Variants in FOXP2 observed in about 807,000 individuals in gnomAD.
FOXP2 encodes the protein forkhead box protein P2.
Under a neutral mutation model 115.8 loss-of-function variants are expected in FOXP2, and 12 were observed. The ratio of observed to expected loss-of-function variants is 0.10; its 90% CI spans 0.07 to 0.17. The LOEUF is 0.17. Among genes scored for constraint, FOXP2 ranks in the 10% least tolerant of loss-of-function variants. FOXP2 has a pLI of 1.00. For synonymous variants in FOXP2, 328 were observed against 297.7 expected, an observed-to-expected ratio of 1.10 and a Z score of -1.05; for missense variants, 629 against 843.5, an observed-to-expected ratio of 0.75 and a Z score of 3.15.
intron 7 of FOXP2, 106 bp downstream of exon 7, chr7:114,642,729 A>T: frequency 1.3e-6 from 1 of 759,704 alleles, no homozygotes; most frequent in Non-Finnish European, 2.2e-6. Flanking sequence ...GACAAAATGT[A>T]TAGAACAACA....
At chr7:114,137,981 G>T (rs966858328) in intron 1 of FOXP2, among the ~76,000 whole-genome samples, 1 of 152,160 alleles carries the variant, frequency 6.6e-6, no homozygotes, top group East Asian at 1.9e-4. Context: ...AATAGGGCTG[G>T]TTATAGGATT....
At chr7:114,118,050 T>C (rs972703407) in intron 1 of FOXP2, among the ~76,000 whole-genome samples, 2 of 152,180 alleles carry the variant, frequency 1.3e-5, no homozygotes, top group African/African-American at 4.8e-5. Flanking sequence ...ACTTCTAACA[T>C]ATGAATGTTG....
chr7:114,680,067 C>T (rs1808004962), intron 16 of FOXP2, among the ~76,000 whole-genome samples: 1 of 152,120 alleles, frequency 6.6e-6, no homozygotes, highest in East Asian at 1.9e-4. Flanking sequence ...TGACTTTGTA[C>T]CTCTGTCAGG....
intron 3 of FOXP2, among the ~76,000 whole-genome samples, chr7:114,568,386 A>G (rs538193449): frequency 6.7e-6 from 1 of 148,970 alleles, no homozygotes; most frequent in Non-Finnish European, 1.5e-5. Context: ...CAAATATATC[A>G]TTGTGGATGA....
intron 2 of FOXP2, chr7:114,499,080 C>T: frequency 1.8e-6 from 1 of 563,324 alleles, no homozygotes. Context: ...TGGAGCTCAG[C>T]AATTACCCTG....
At chr7:114,531,340 A>C (rs1584859192) in intron 2 of FOXP2, among the ~76,000 whole-genome samples, 2 of 151,912 alleles carry the variant, frequency 1.3e-5, no homozygotes, top group East Asian at 1.9e-4. Context: ...TTTGACACCT[A>C]ACATTTTATA....
intron 2 of FOXP2, among the ~76,000 whole-genome samples, chr7:114,524,565 G>A (rs2129271398): frequency 6.6e-6 from 1 of 152,126 alleles, no homozygotes; most frequent in Non-Finnish European, 1.5e-5. Flanking sequence ...TGGTGAAAAA[G>A]CTTGGACATA....
At chr7:114,122,997 T>A (rs548592431) in intron 1 of FOXP2, among the ~76,000 whole-genome samples, 2 of 152,148 alleles carry the variant, frequency 1.3e-5, no homozygotes, top group Admixed American at 1.3e-4. Flanking sequence ...TGAATCATGG[T>A]GAAGTATAGC....
chr7:114,395,427 A>G (rs1172872774), intron 2 of FOXP2, among the ~76,000 whole-genome samples: 1 of 152,110 alleles, frequency 6.6e-6, no homozygotes, highest in African/African-American at 2.4e-5. Flanking sequence ...ATTGAAGTGT[A>G]TAGGTTGGCT....
At chr7:114,582,953 T>C (rs1203043936) in intron 3 of FOXP2, among the ~76,000 whole-genome samples, 1 of 152,168 alleles carries the variant, frequency 6.6e-6, no homozygotes, top group African/African-American at 2.4e-5. Flanking sequence ...CATCTTTATA[T>C]ACAAAAACCT....
intron 16 of FOXP2, 104 bp downstream of exon 16, chr7:114,664,540 C>T: frequency 2.2e-6 from 3 of 1,352,890 alleles, no homozygotes; most frequent in Non-Finnish European, 3.1e-6. Context: ...GTTGAAAATA[C>T]AAATTTAAGT....
At chr7:114,575,050 T>C (rs1801505269) in intron 3 of FOXP2, among the ~76,000 whole-genome samples, 1 of 151,858 alleles carries the variant, frequency 6.6e-6, no homozygotes, top group Non-Finnish European at 1.5e-5. Flanking sequence ...AAATATCTTT[T>C]TATTTGTGTT....
intron 3 of FOXP2, among the ~76,000 whole-genome samples, chr7:114,592,364 T>C (rs1391853735): frequency 6.6e-6 from 1 of 152,050 alleles, no homozygotes; most frequent in East Asian, 1.9e-4. Flanking sequence ...TCCCTTAAGT[T>C]GGTTTTAAAT....
At chr7:114,197,187 G>A (rs1401874061) in intron 1 of FOXP2, among the ~76,000 whole-genome samples, 3 of 152,170 alleles carry the variant, frequency 2.0e-5, no homozygotes, top group African/African-American at 7.2e-5. Context: ...TACACAGTGA[G>A]ACCCTGTCTC....
chr7:114,458,213 T>A (rs1795403947), intron 2 of FOXP2, among the ~76,000 whole-genome samples: 1 of 150,924 alleles, frequency 6.6e-6, no homozygotes, highest in African/African-American at 2.4e-5. Context: ...AAAGGGAATG[T>A]GTTGTTAATG....
chr7:114,478,162 A>G (rs1796370103), intron 2 of FOXP2, among the ~76,000 whole-genome samples: 1 of 151,898 alleles, frequency 6.6e-6, no homozygotes, highest in Non-Finnish European at 1.5e-5. Flanking sequence ...AGATATTTTT[A>G]TAGTAAAAGA....
At chr7:114,176,298 T>TTCTCTCTCTCTC (rs1554426487) in intron 1 of FOXP2, among the ~76,000 whole-genome samples, 24 of 76,514 alleles carry the variant, frequency 3.1e-4, no homozygotes, top group African/African-American at 8.7e-4. Context: ...CTTTCTTTCT[T>TTCTCTCTCTCTC]TCTCTCTCTC....
At chr7:114,527,343 A>G (rs1447005368) in intron 2 of FOXP2, among the ~76,000 whole-genome samples, 1 of 151,996 alleles carries the variant, frequency 6.6e-6, no homozygotes, top group South Asian at 2.1e-4. Context: ...TTAATGGATC[A>G]TGTGGTAATT....
rs1795166164 is a variant in FOXP2 at position 114,241,956 on chromosome 7, TA to T, written c.-101-46058del. 1.3e-5 allele frequency among the ~76,000 whole-genome samples: 2 copies of T among 150,552 alleles called. 1 individual carries two copies. Among genetic ancestry groups the T allele is most frequent in the South Asian group, 4.3e-4 (2 of 4,702 alleles). ...GCCTCCCATCATGTTTAATACAAGATAAAAATTTTGTCTTCCAATTTACACA... is the reference window on the plus strand; with the variant it reads ...GCCTCCCATCATGTTTAATACAAGATAAAATTTTGTCTTCCAATTTACACA... On this transcript the variant is annotated intron_variant, in intron 1 of 17. Transcript: ENST00000634411.
Sources: allele counts gnomAD v4.1 joint callset (sites outside exome capture counted in the v4.1 genomes callset), GRCh38; gene constraint gnomAD v4.1.1; transcripts MANE v1.5; gene names NCBI Gene and HGNC (gene_info 2026-07-23, HGNC 2026-07-21).